Variants in FBXW8 observed in about 807,000 individuals in gnomAD.
The protein encoded by FBXW8 is F-box/WD repeat-containing protein 8.
Under a neutral mutation model 65.3 loss-of-function variants are expected in FBXW8, and 57 were observed. That is an observed-to-expected ratio of 0.87 (90% confidence interval 0.71 to 1.09). The LOEUF (loss-of-function observed/expected upper bound fraction) is 1.09, where lower values mean the gene tolerates loss of function less well. FBXW8 is among the 50% of genes least tolerant of loss of function. FBXW8 has a pLI of 0.00. For synonymous variants in FBXW8, 308 were observed against 330.2 expected, an observed-to-expected ratio of 0.93 and a Z score of 0.73; for missense variants, 777 against 814.8, an observed-to-expected ratio of 0.95 and a Z score of 0.57.
intron 7 of FBXW8, among the ~76,000 whole-genome samples, chr12:117,005,470 G>A (rs909342609): frequency 2.6e-5 from 4 of 152,320 alleles, no homozygotes; most frequent in South Asian, 2.1e-4. Context: ...GTGTTACAAC[G>A]TGTAGTGTGA....
At chr12:116,921,170 C>T (rs564991790) in intron 1 of FBXW8, among the ~76,000 whole-genome samples, 1 of 152,088 alleles carries the variant, frequency 6.6e-6, no homozygotes, top group Non-Finnish European at 1.5e-5. Flanking sequence ...AGCCTATTCT[C>T]GTAAAAAAAG....
chr12:117,005,356 G>C (rs553848190), intron 7 of FBXW8, among the ~76,000 whole-genome samples: 1 of 152,308 alleles, frequency 6.6e-6, no homozygotes, highest in South Asian at 2.1e-4. Context: ...CACTGTACCT[G>C]GCATGTACTG....
chr12:116,937,476 C>G (rs764524430), intron 2 of FBXW8, among the ~76,000 whole-genome samples: 104 of 152,166 alleles, frequency 6.8e-4, no homozygotes, highest in Non-Finnish European at 1.1e-3. Context: ...GGAAGAAAAC[C>G]CAGATGTGTC....
In FBXW8 at chr12:117,010,446, G is replaced by C; in HGVS notation, c.1363G>C (p.Gly455Arg). ...PNLMVSGNMD[G>R]RVRIHDLRSG... is the part of the protein sequence containing the mutation. ...CCTCATGGTCAGTGGCAACATGGAC[G>C]GGAGGTACGTGAGTTGGAAGGGCAT... The change falls in exon 8 of 11, where the codon GGG (glycine) becomes CGG (arginine). Residue 455 changes from glycine (G) to arginine (R), a missense_variant. By Grantham distance (125) the Gly-to-Arg change is moderately radical. Coordinates refer to ENST00000652555, the MANE Select transcript of FBXW8 (RefSeq NM_153348.3). 1.9e-6 allele frequency: 3 copies of C among 1,614,234 alleles called. No homozygotes were observed. The highest frequency in any genetic ancestry group is 2.5e-6 in the Non-Finnish European group (3 of 1,180,042).
Position 116,927,468 on chromosome 12 carries a change from T to G in FBXW8, c.319-555T>G, listed in dbSNP as rs74988797. 1.8e-3 allele frequency among the ~76,000 whole-genome samples: 268 copies of G among 152,294 alleles called. 1 individual carries two copies. The highest frequency in any genetic ancestry group is 5.8e-3 in the African/African-American group (243 of 41,544). On this transcript the variant is annotated intron_variant, in intron 1 of 10. Coordinates refer to ENST00000652555, the MANE Select transcript of FBXW8 (RefSeq NM_153348.3). ...GCGTTCATCTCCATCAAGAGCAGTG[T>G]CTACTTGTTTACTTTTTGCTCATGT...
intron 3 of FBXW8, 56 bp from the exon 4 acceptor site, chr12:116,949,562 G>T: frequency 6.6e-7 from 1 of 1,509,592 alleles, no homozygotes; most frequent in South Asian, 1.1e-5. Context: ...CACGATGCTT[G>T]GCTTTCGGGC....
intron 7 of FBXW8, among the ~76,000 whole-genome samples, chr12:117,006,360 A>G (rs1252808233): frequency 6.6e-6 from 1 of 152,130 alleles, no homozygotes; most frequent in Non-Finnish European, 1.5e-5. Context: ...GTGTTAATCC[A>G]TTTCTTACTG....
chr12:116,979,365 G>C (rs1290448990), intron 5 of FBXW8: 1 of 152,234 alleles, frequency 6.6e-6, no homozygotes, highest in Non-Finnish European at 1.5e-5. Flanking sequence ...CTCCTCGAAA[G>C]ACTGGCCATC....
intron 7 of FBXW8, among the ~76,000 whole-genome samples, chr12:117,010,056 C>T (rs958729326): frequency 2.0e-5 from 3 of 152,272 alleles, no homozygotes; most frequent in East Asian, 1.9e-4. Flanking sequence ...GATTTCCCTG[C>T]GTTTTCCTTG....
intron 1 of FBXW8, among the ~76,000 whole-genome samples, chr12:116,916,909 T>A (rs59645804): frequency 0.13 from 7,836 of 61,276 alleles, 655 homozygotes; most frequent in African/African-American, 0.22. Context: ...TGTGTGTGTG[T>A]GTGAGAGAGA....
chr12:116,968,334 A>G (rs142267900), intron 5 of FBXW8, among the ~76,000 whole-genome samples: 6 of 152,344 alleles, frequency 3.9e-5, no homozygotes, highest in Non-Finnish European at 7.3e-5. Context: ...AGTACAAGAA[A>G]ATATGAGTGT....
chr12:116,963,570 C>G (rs1884124309), intron 4 of FBXW8, among the ~76,000 whole-genome samples: 1 of 152,224 alleles, frequency 6.6e-6, no homozygotes, highest in Non-Finnish European at 1.5e-5. Context: ...TGCCACTGAA[C>G]TCTAGCCTGG....
chr12:116,977,304 A>AATTTGATG (rs1885009748), intron 5 of FBXW8: 1 of 152,216 alleles, frequency 6.6e-6, no homozygotes, highest in Non-Finnish European at 1.5e-5. Context: ...GGATTTCTAA[A>AATTTGATG]GGCTGCAAAA....
chr12:116,978,332 T>C (rs1360911416), intron 5 of FBXW8: 1 of 152,276 alleles, frequency 6.6e-6, no homozygotes. Context: ...TTTATGTCTC[T>C]GGCCTGCATT....
Position 116,925,149 on chromosome 12 carries a change from G to A in FBXW8, c.319-2874G>A, listed in dbSNP as rs542640808. Among the ~76,000 whole-genome samples, 4 of 152,160 alleles carry A rather than the reference G, an allele frequency of 2.6e-5. No homozygotes were observed. The South Asian group carries it at 6.2e-4, about 24-fold the overall frequency. ...GATTTGCATGTAGGTGGTTTAGTGG[G>A]TTTTCCTTTCAGAGAGGTCCTGAAC... On this transcript the variant is annotated intron_variant, in intron 1 of 10. Transcript: ENST00000652555.
At position 117,024,326 on chromosome 12, in the gene FBXW8, G is replaced by A. The variant is rs747757262; in HGVS notation, c.1541+6G>A. On this transcript the variant is annotated splice_donor_region_variant and intron_variant, in intron 9 of 10. Transcript: ENST00000652555. ...CTGTGGGAGGTGTATTCCGGGTAAG[G>A]TGCATTCTAGACACTCTTGGGAGTT... is the stretch of plus-strand genomic sequence containing the variant. 2 of 1,614,078 alleles carry A rather than the reference G, an allele frequency of 1.2e-6. No individual in the cohort carries two copies. Among genetic ancestry groups the A allele is most frequent in the Admixed American group, 3.3e-5 (2 of 60,030 alleles).
intron 1 of FBXW8, among the ~76,000 whole-genome samples, chr12:116,923,426 G>C (rs1410802316): frequency 6.6e-6 from 1 of 152,132 alleles, no homozygotes; most frequent in Non-Finnish European, 1.5e-5. Flanking sequence ...TAACATTGAA[G>C]GAATACTAAT....
chr12:116,922,706 TTCTC>T (rs1289752348), intron 1 of FBXW8, among the ~76,000 whole-genome samples: 1 of 152,210 alleles, frequency 6.6e-6, no homozygotes, highest in Admixed American at 6.5e-5. Flanking sequence ...TCTTTGCAAT[TTCTC>T]TCAGTGTTTT....
rs563849244 is a variant in FBXW8 at position 117,017,813 on chromosome 12, C to T, written c.1368-6334C>T. On this transcript the variant is annotated intron_variant, in intron 8 of 10. Transcript: ENST00000652555. ...ATAGGCTTCAGCTTGCCATCAGCTA[C>T]GGTGTTCCTCATTATCATATGGGAG... is the stretch of plus-strand genomic sequence containing the variant. 1.4e-4 allele frequency among the ~76,000 whole-genome samples: 22 copies of T among 152,082 alleles called. 1 individual carries two copies. The highest frequency in any genetic ancestry group is 3.3e-4 in the Admixed American group (5 of 15,272).
Sources: gnomAD v4.1 joint callset for allele counts (sites outside exome capture counted in the v4.1 genomes callset) on GRCh38, gnomAD v4.1.1 for gene constraint, MANE v1.5 for transcripts, NCBI Gene and HGNC (gene_info 2026-07-23, HGNC 2026-07-21) for gene names.